PGBD5: variants seen among roughly 807,000 people sequenced by gnomAD.
The protein encoded by PGBD5 is piggyBac transposable element derived 5.
Under a neutral mutation model 47.9 loss-of-function variants are expected in PGBD5, and 14 were observed. The observed-to-expected ratio is 0.29, with a 90% confidence interval of 0.19 to 0.46. The LOEUF (loss-of-function observed/expected upper bound fraction) is 0.46, where lower values mean the gene tolerates loss of function less well. Ranked by LOEUF, PGBD5 falls within the 20% of genes least tolerant of loss-of-function variation. The pLI is 1.00. For synonymous variants in PGBD5, 316 were observed against 306.3 expected, an observed-to-expected ratio of 1.03 and a Z score of -0.33; for missense variants, 635 against 716.0, an observed-to-expected ratio of 0.89 and a Z score of 1.29.
chr1:230,407,589 G>A (rs1361241392), intron 1 of PGBD5, among the ~76,000 whole-genome samples: 1 of 152,060 alleles, frequency 6.6e-6, no homozygotes, highest in Non-Finnish European at 1.5e-5. Context: ...AGGGAATTCT[G>A]GGTAATCAAA....
At chr1:230,408,723 G>A (rs1490767805) in intron 1 of PGBD5, among the ~76,000 whole-genome samples, 1 of 152,092 alleles carries the variant, frequency 6.6e-6, no homozygotes, top group Non-Finnish European at 1.5e-5. Context: ...ATAGACCAAA[G>A]ATGTAAATGC....
chr1:230,367,892 T>C, intron 1 of PGBD5: 1 of 1,320,418 alleles, frequency 7.6e-7, no homozygotes, highest in Non-Finnish European at 1.0e-6. Context: ...ACTCCCGCTC[T>C]GCAGGTGAAT....
At position 230,319,200 on chromosome 1, in the gene PGBD5, C is replaced by A. The variant is rs1666997810; in HGVS notation, c.*4225G>T. On this transcript the variant is annotated 3_prime_UTR_variant, in exon 7 of 7. Transcript: ENST00000391860. Reference sequence around the variant, plus strand: ...CATCTGGGCGTGGTGACAGTCCATGCCTAACCCACAGGGATCCCTGTGAGG... The same window carrying A: ...CATCTGGGCGTGGTGACAGTCCATGACTAACCCACAGGGATCCCTGTGAGG... 6.6e-6 allele frequency: 1 copy of A among 152,218 alleles called. No individual in the cohort carries two copies. Among genetic ancestry groups the A allele is most frequent in the Non-Finnish European group, 1.5e-5 (1 of 68,078 alleles). 9.4% of individuals were successfully genotyped at this position (152,218 alleles called of 1,614,324 possible). A position where few individuals can be genotyped will look rare whatever the true frequency, so the allele number is the denominator to read the frequency against.
intron 1 of PGBD5, among the ~76,000 whole-genome samples, chr1:230,365,903 T>A (rs895569909): frequency 6.6e-6 from 1 of 152,254 alleles, no homozygotes; most frequent in African/African-American, 2.4e-5. Flanking sequence ...AAAGGATTTT[T>A]ACCCCTTCAG....
At chr1:230,348,214 G>A (rs1423219395) in intron 3 of PGBD5, among the ~76,000 whole-genome samples, 1 of 152,206 alleles carries the variant, frequency 6.6e-6, no homozygotes, top group Non-Finnish European at 1.5e-5. Context: ...CATTTACAAA[G>A]AAGAGAGTCA....
At chr1:230,335,880 CACACAG>C (rs1490273376) in intron 4 of PGBD5, among the ~76,000 whole-genome samples, 9 of 148,504 alleles carry the variant, frequency 6.1e-5, no homozygotes, top group East Asian at 4.0e-4. Context: ...CATACACGGA[CACACAG>C]ATGCATACAC....
intron 4 of PGBD5, among the ~76,000 whole-genome samples, chr1:230,333,927 A>G (rs577277805): frequency 1.3e-5 from 2 of 152,298 alleles, no homozygotes; most frequent in African/African-American, 4.8e-5. Context: ...GCTGGGACAG[A>G]AGGCCACAGG....
intron 2 of PGBD5, among the ~76,000 whole-genome samples, chr1:230,356,574 T>C (rs1013547285): frequency 6.6e-6 from 1 of 152,098 alleles, no homozygotes; most frequent in African/African-American, 2.4e-5. Context: ...ATAAAATTAA[T>C]ATTCGCCTGA....
At chr1:230,348,682 G>A (rs1558195980) in intron 3 of PGBD5, among the ~76,000 whole-genome samples, 1 of 152,224 alleles carries the variant, frequency 6.6e-6, no homozygotes, top group Admixed American at 6.5e-5. Context: ...AACTGTCCCC[G>A]GGTCATGTGG....
At chr1:230,334,035 C>T (rs978323727) in intron 4 of PGBD5, among the ~76,000 whole-genome samples, 13 of 152,308 alleles carry the variant, frequency 8.5e-5, no homozygotes, top group African/African-American at 2.6e-4. Context: ...CCCGGAGGAC[C>T]GACAGTGCCA....
chr1:230,338,044 C>T lies in PGBD5; in HGVS notation c.895-756G>A, dbSNP rs115908523. Among the ~76,000 whole-genome samples the T allele has an allele frequency of 4.7e-3, 721 of 152,320 alleles. 6 individuals are homozygous for T. Among genetic ancestry groups the T allele is most frequent in the African/African-American group, 0.016 (673 of 41,562 alleles). On this transcript the variant is annotated intron_variant, in intron 3 of 6. Coordinates refer to ENST00000391860, the MANE Select transcript of PGBD5 (RefSeq NM_001258311.2). The stretch of plus-strand genomic sequence containing the variant: ...CAACACAAAATGTGGTGTTGGACGA[C>T]GGTAAGTCACTGCAAACCAGAACTG...
intron 1 of PGBD5, among the ~76,000 whole-genome samples, chr1:230,366,180 G>A (rs1465753558): frequency 6.6e-6 from 1 of 152,198 alleles, no homozygotes; most frequent in Non-Finnish European, 1.5e-5. Flanking sequence ...AGTCCAGGCT[G>A]CTCATTAGAA....
chr1:230,399,161 T>C (rs376098426), intron 1 of PGBD5, among the ~76,000 whole-genome samples: 12 of 152,214 alleles, frequency 7.9e-5, no homozygotes, highest in African/African-American at 2.9e-4. Context: ...TAGCGCTATT[T>C]GGATTTCAAA....
intron 6 of PGBD5, among the ~76,000 whole-genome samples, chr1:230,325,001 G>A (rs1408124166): frequency 6.6e-6 from 1 of 152,212 alleles, no homozygotes; most frequent in Non-Finnish European, 1.5e-5. Flanking sequence ...AACGGCTGGA[G>A]TTTGAGCTCA....
chr1:230,390,347 C>T (rs1656754292), intron 1 of PGBD5, among the ~76,000 whole-genome samples: 1 of 152,176 alleles, frequency 6.6e-6, no homozygotes, highest in African/African-American at 2.4e-5. Context: ...CTCACACCCT[C>T]CTTAGAATCA....
At chr1:230,416,406 T>G (rs1403826614) in intron 1 of PGBD5, among the ~76,000 whole-genome samples, 5 of 152,144 alleles carry the variant, frequency 3.3e-5, no homozygotes, top group Non-Finnish European at 7.4e-5. Flanking sequence ...CTTTGTTCAT[T>G]CAAGCATTCA....
chr1:230,365,883 C>T (rs1055445644), intron 1 of PGBD5, among the ~76,000 whole-genome samples: 14 of 152,208 alleles, frequency 9.2e-5, no homozygotes, highest in African/African-American at 3.1e-4. Context: ...TATGTTTACA[C>T]AGATGGAACA....
At chr1:230,406,708 T>C (rs1657305033) in intron 1 of PGBD5, among the ~76,000 whole-genome samples, 1 of 152,220 alleles carries the variant, frequency 6.6e-6, no homozygotes, top group Non-Finnish European at 1.5e-5. Flanking sequence ...TTAATTTTAT[T>C]CAGGCTATAA....
chr1:230,346,644 T>A (rs1207492570), intron 3 of PGBD5, among the ~76,000 whole-genome samples: 4 of 152,178 alleles, frequency 2.6e-5, no homozygotes, highest in Non-Finnish European at 4.4e-5. Flanking sequence ...TATTAAAACA[T>A]TGGGTGTCTT....
Sources: allele counts gnomAD v4.1 joint callset (sites outside exome capture counted in the v4.1 genomes callset), GRCh38; gene constraint gnomAD v4.1.1; transcripts MANE v1.5; gene names NCBI Gene and HGNC (gene_info 2026-07-23, HGNC 2026-07-21).